ARHGAP24: variants seen among roughly 807,000 people sequenced by gnomAD.
ARHGAP24 encodes rho GTPase-activating protein 24.
Under a neutral mutation model 76.4 loss-of-function variants are expected in ARHGAP24, and 50 were observed. That is an observed-to-expected ratio of 0.65 (90% CI 0.52 to 0.83). ARHGAP24 has a LOEUF of 0.83. Among genes scored for constraint, ARHGAP24 ranks in the 40% least tolerant of loss-of-function variants. The pLI is 0.00. For missense variants in ARHGAP24, 930 were observed against 914.2 expected (o/e 1.02, Z -0.22); for synonymous variants, 345 against 323.3 (o/e 1.07, Z -0.72).
At chr4:85,780,470 C>A (rs540833450) in intron 3 of ARHGAP24, among the ~76,000 whole-genome samples, 1 of 151,806 alleles carries the variant, frequency 6.6e-6, no homozygotes, top group Non-Finnish European at 1.5e-5. Flanking sequence ...CTGCGCCCAG[C>A]CTTTTTTTAA....
At chr4:85,931,901 G>A (rs1348794120) in intron 4 of ARHGAP24, among the ~76,000 whole-genome samples, 2 of 152,112 alleles carry the variant, frequency 1.3e-5, no homozygotes, top group Non-Finnish European at 2.9e-5. Flanking sequence ...CAGGTGCTGA[G>A]TTGAATGACA....
intron 2 of ARHGAP24, among the ~76,000 whole-genome samples, chr4:85,642,033 A>G (rs544998752): frequency 6.6e-6 from 1 of 152,174 alleles, no homozygotes; most frequent in Non-Finnish European, 1.5e-5. Context: ...CTCTCTGTGC[A>G]GCATTCCTTC....
intron 2 of ARHGAP24, among the ~76,000 whole-genome samples, chr4:85,673,819 G>T (rs1301455231): frequency 2.1e-5 from 3 of 140,136 alleles, no homozygotes; most frequent in Non-Finnish European, 3.1e-5. Context: ...CTGCCAGGGC[G>T]TATTTTCAGA....
intron 3 of ARHGAP24, among the ~76,000 whole-genome samples, chr4:85,900,269 C>T (rs548456516): frequency 6.6e-5 from 10 of 152,310 alleles, no homozygotes; most frequent in African/African-American, 2.4e-4. Flanking sequence ...CTCCCCACCA[C>T]TATTCAGGGA....
At chr4:85,652,674 A>G (rs1012528468) in intron 2 of ARHGAP24, among the ~76,000 whole-genome samples, 1 of 152,212 alleles carries the variant, frequency 6.6e-6, no homozygotes, top group African/African-American at 2.4e-5. Flanking sequence ...CAATGATATA[A>G]TACAAGTAAA....
intron 3 of ARHGAP24, among the ~76,000 whole-genome samples, chr4:85,878,477 G>A (rs1167638421): frequency 1.3e-5 from 2 of 152,078 alleles, no homozygotes; most frequent in Non-Finnish European, 2.9e-5. Flanking sequence ...CATCTTTTAA[G>A]ATAGAGAAGA....
chr4:85,529,903 T>A lies in ARHGAP24; in HGVS notation c.-20-40619T>A, dbSNP rs190057292. 6.2e-3 allele frequency among the ~76,000 whole-genome samples: 904 copies of A among 144,856 alleles called. 6 individuals are homozygous for A. The highest frequency in any genetic ancestry group is 0.01 in the Non-Finnish European group (708 of 67,770). ...CAACCATGCAAATATTGTACTATTT[T>A]AAAAAAAACTCTTTTCATTTTATTT... On this transcript the variant is annotated intron_variant, in intron 1 of 9. Coordinates refer to ENST00000395184, the MANE Select transcript of ARHGAP24 (RefSeq NM_001025616.3).
intron 1 of ARHGAP24, among the ~76,000 whole-genome samples, chr4:85,512,106 T>C (rs1025817300): frequency 6.6e-6 from 1 of 152,074 alleles, no homozygotes; most frequent in Admixed American, 6.6e-5. Flanking sequence ...GTAGTGGGGG[T>C]CAGGACTTCA....
intron 3 of ARHGAP24, among the ~76,000 whole-genome samples, chr4:85,777,036 T>C (rs1038077420): frequency 6.6e-5 from 10 of 152,180 alleles, no homozygotes; most frequent in Non-Finnish European, 1.3e-4. Flanking sequence ...CATAATCAAA[T>C]GAGAATAAAA....
intron 3 of ARHGAP24, among the ~76,000 whole-genome samples, chr4:85,772,615 T>C (rs982597978): frequency 6.6e-6 from 1 of 152,156 alleles, no homozygotes; most frequent in African/African-American, 2.4e-5. Context: ...TGTCCTAGTA[T>C]AGTGTGTGAA....
At chr4:85,553,744 A>T (rs933690484) in intron 1 of ARHGAP24, among the ~76,000 whole-genome samples, 2 of 152,106 alleles carry the variant, frequency 1.3e-5, no homozygotes, top group Admixed American at 1.3e-4. Flanking sequence ...ACAGCATACC[A>T]TTGGGTCTTG....
At chr4:85,484,477 A>G (rs747689067) in intron 1 of ARHGAP24, among the ~76,000 whole-genome samples, 5 of 152,170 alleles carry the variant, frequency 3.3e-5, no homozygotes, top group Non-Finnish European at 7.3e-5. Flanking sequence ...AAATTTGTAC[A>G]CTGAGAATTG....
chr4:85,818,627 G>A (rs971219411), intron 3 of ARHGAP24, among the ~76,000 whole-genome samples: 24 of 152,168 alleles, frequency 1.6e-4, no homozygotes, highest in African/African-American at 5.6e-4. Flanking sequence ...GTGTCACCTG[G>A]TCCTTTTAAA....
chr4:85,765,905 T>C (rs1331236932), intron 3 of ARHGAP24, among the ~76,000 whole-genome samples: 1 of 152,188 alleles, frequency 6.6e-6, no homozygotes, highest in East Asian at 1.9e-4. Flanking sequence ...CTCAATTGCA[T>C]AGTTGTTTTT....
intron 3 of ARHGAP24, among the ~76,000 whole-genome samples, chr4:85,852,595 C>T (rs1335592294): frequency 1.3e-5 from 2 of 152,188 alleles, no homozygotes; most frequent in African/African-American, 2.4e-5. Context: ...TTTTTATCTA[C>T]CTTTGGTCTT....
chr4:85,986,084 TG>T (rs1285261542), intron 8 of ARHGAP24, among the ~76,000 whole-genome samples: 2 of 152,186 alleles, frequency 1.3e-5, no homozygotes, highest in African/African-American at 2.4e-5. Context: ...TGAATTCTAT[TG>T]AAAAACATGG....
At chr4:85,556,107 C>T (rs1308403459) in intron 1 of ARHGAP24, among the ~76,000 whole-genome samples, 3 of 152,038 alleles carry the variant, frequency 2.0e-5, no homozygotes, top group Non-Finnish European at 4.4e-5. Context: ...ACTGCAACTG[C>T]TGGCCCAAGC....
At chr4:85,950,247 C>T (rs1385645722) in intron 5 of ARHGAP24, among the ~76,000 whole-genome samples, 1 of 152,032 alleles carries the variant, frequency 6.6e-6, no homozygotes, top group Non-Finnish European at 1.5e-5. Context: ...AATCCCAGCA[C>T]TTTGGGAGGC....
intron 6 of ARHGAP24, 56 bp from the exon 7 acceptor site, chr4:85,974,832 T>C: frequency 6.5e-7 from 1 of 1,550,108 alleles, no homozygotes; most frequent in Non-Finnish European, 8.9e-7. Context: ...TCGACTTGCT[T>C]TAATTCTAAG....
Sources: gnomAD v4.1 joint callset for allele counts (sites outside exome capture counted in the v4.1 genomes callset) on GRCh38, gnomAD v4.1.1 for gene constraint, MANE v1.5 for transcripts, NCBI Gene and HGNC (gene_info 2026-07-23, HGNC 2026-07-21) for gene names.